Variants in NKAIN3 observed in about 807,000 individuals in gnomAD.
The protein encoded by NKAIN3 is sodium/potassium transporting ATPase interacting 3.
Under a neutral mutation model 30.2 loss-of-function variants are expected in NKAIN3, and 25 were observed. The observed-to-expected ratio is 0.83, with a 90% confidence interval of 0.60 to 1.16. The LOEUF (loss-of-function observed/expected upper bound fraction) is 1.16, where lower values mean the gene tolerates loss of function less well. Ranked by LOEUF, NKAIN3 falls within the 50% of genes most tolerant of loss-of-function variation. The probability of loss-of-function intolerance (pLI) is 0.00; values close to 1 mark genes in which losing one functional copy is unlikely to be tolerated. For missense variants in NKAIN3, 225 were observed against 254.1 expected (o/e 0.89, Z 0.78); for synonymous variants, 91 against 89.6 (o/e 1.02, Z -0.09).
chr8:62,618,451 T>C (rs1057374713), intron 3 of NKAIN3, among the ~76,000 whole-genome samples: 1 of 152,078 alleles, frequency 6.6e-6, no homozygotes, highest in Non-Finnish European at 1.5e-5. Flanking sequence ...AAAGCAGCTG[T>C]CTCATCCTGC....
downstream of NKAIN3, among the ~76,000 whole-genome samples, chr8:62,985,522 C>T (rs1327612348): frequency 6.6e-6 from 1 of 152,180 alleles, no homozygotes; most frequent in Non-Finnish European, 1.5e-5. Context: ...ATCAAAACAT[C>T]CTCCACCACA....
chr8:62,572,840 G>A (rs1809990073), intron 1 of NKAIN3, among the ~76,000 whole-genome samples: 1 of 152,110 alleles, frequency 6.6e-6, no homozygotes, highest in Non-Finnish European at 1.5e-5. Flanking sequence ...GGAATTATGG[G>A]AGCTACAAGA....
chr8:62,919,602 A>G (rs1478250985), intron 5 of NKAIN3, among the ~76,000 whole-genome samples: 1 of 152,234 alleles, frequency 6.6e-6, no homozygotes, highest in Non-Finnish European at 1.5e-5. Context: ...AAAATAAATT[A>G]TTTTAGATAA....
chr8:62,467,179 G>A (rs551212564), intron 1 of NKAIN3, among the ~76,000 whole-genome samples: 93 of 152,270 alleles, frequency 6.1e-4, no homozygotes, highest in African/African-American at 1.9e-3. Flanking sequence ...CTTCTGCCTA[G>A]AATGTTGCTT....
At chr8:62,828,217 C>T (rs368788162) in intron 4 of NKAIN3, among the ~76,000 whole-genome samples, 6 of 152,074 alleles carry the variant, frequency 3.9e-5, no homozygotes, top group South Asian at 2.1e-4. Flanking sequence ...ACTATTGTTA[C>T]ATAAAATTAA....
chr8:62,819,242 A>G (rs933791572), intron 4 of NKAIN3, among the ~76,000 whole-genome samples: 3 of 151,298 alleles, frequency 2.0e-5, no homozygotes, highest in Admixed American at 2.0e-4. Context: ...TACAAACTGA[A>G]GTATTCACAA....
chr8:62,719,508 C>G (rs560667148), intron 3 of NKAIN3, among the ~76,000 whole-genome samples: 2 of 152,228 alleles, frequency 1.3e-5, no homozygotes, highest in African/African-American at 4.8e-5. Context: ...ACATTTTAAC[C>G]CACCATAAAA....
At chr8:62,945,680 T>G (rs756292728) in intron 5 of NKAIN3, among the ~76,000 whole-genome samples, 4 of 152,034 alleles carry the variant, frequency 2.6e-5, no homozygotes, top group Admixed American at 6.6e-5. Context: ...ATTTAGGAGG[T>G]CTTACATTCA....
chr8:62,294,385 G>T (rs758239234), intron 1 of NKAIN3, among the ~76,000 whole-genome samples: 22 of 152,110 alleles, frequency 1.4e-4, no homozygotes, highest in Non-Finnish European at 1.8e-4. Flanking sequence ...TCGAAAATAT[G>T]TATTGACATG....
chr8:62,887,001 T>G (rs1185660871), intron 4 of NKAIN3, among the ~76,000 whole-genome samples: 2 of 152,224 alleles, frequency 1.3e-5, no homozygotes, highest in African/African-American at 2.4e-5. Context: ...GAACTCACTC[T>G]TTTTTATGGC....
At chr8:62,904,578 G>T (rs1397447281) in intron 4 of NKAIN3, among the ~76,000 whole-genome samples, 14 of 152,190 alleles carry the variant, frequency 9.2e-5, no homozygotes, top group Non-Finnish European at 2.9e-5. Context: ...CAGAGCTGGA[G>T]TTTACAGTGG....
intron 4 of NKAIN3, among the ~76,000 whole-genome samples, chr8:62,876,066 G>T (rs1644663103): frequency 6.6e-6 from 1 of 152,160 alleles, no homozygotes; most frequent in Admixed American, 6.5e-5. Context: ...GAAAATTTTT[G>T]CAATCTACCC....
intron 1 of NKAIN3, among the ~76,000 whole-genome samples, chr8:62,496,607 C>T (rs1257914321): frequency 2.6e-5 from 4 of 152,044 alleles, no homozygotes; most frequent in Admixed American, 1.3e-4. Context: ...GCTTATCATC[C>T]ATTTATTTAT....
At chr8:62,531,904 C>T (rs1808502484) in intron 1 of NKAIN3, among the ~76,000 whole-genome samples, 1 of 152,198 alleles carries the variant, frequency 6.6e-6, no homozygotes, top group African/African-American at 2.4e-5. Context: ...AGATCATGCC[C>T]ATGTGCCCAG....
At chr8:62,761,680 A>G (rs1688422828) in intron 4 of NKAIN3, among the ~76,000 whole-genome samples, 1 of 152,180 alleles carries the variant, frequency 6.6e-6, no homozygotes. Context: ...TGAGGATTCC[A>G]TTGCCTGACT....
chr8:62,763,860 A>G (rs1447446680), intron 4 of NKAIN3, among the ~76,000 whole-genome samples: 5 of 152,220 alleles, frequency 3.3e-5, no homozygotes, highest in African/African-American at 7.2e-5. Context: ...CTTACAGGCT[A>G]AGAGTATTTA....
chr8:62,668,428 T>C lies in NKAIN3; in HGVS notation c.274-78504T>C, dbSNP rs574016330. Among the ~76,000 whole-genome samples, 12 of 152,312 alleles carry C rather than the reference T, an allele frequency of 7.9e-5. No homozygotes were observed. In the East Asian group the frequency reaches 2.3e-3, roughly 29 times the overall value. On this transcript the variant is annotated intron_variant, in intron 3 of 6. Transcript: ENST00000623646. ...GGAATTTTTAGTAGAGAGTAAATTA[T>C]TTTTTTGAATTTAGAACTTAGATTT...
chr8:62,478,224 G>A (rs1291452573), intron 1 of NKAIN3, among the ~76,000 whole-genome samples: 6 of 152,136 alleles, frequency 3.9e-5, no homozygotes, highest in Non-Finnish European at 7.4e-5. Context: ...TAATCAACTG[G>A]TAACTAGTAG....
chr8:62,718,370 A>G (rs779809197), intron 3 of NKAIN3, among the ~76,000 whole-genome samples: 2 of 152,228 alleles, frequency 1.3e-5, no homozygotes, highest in Non-Finnish European at 2.9e-5. Context: ...ATTCCCCAGT[A>G]CTTTGTTTCC....
Sources: gnomAD v4.1 joint callset for allele counts (sites outside exome capture counted in the v4.1 genomes callset) on GRCh38, gnomAD v4.1.1 for gene constraint, MANE v1.5 for transcripts, NCBI Gene and HGNC (gene_info 2026-07-23, HGNC 2026-07-21) for gene names.